The following FRYL variants were observed in gnomAD, a reference collection of about 807,000 sequenced individuals.
FRYL encodes FRY like transcription coactivator.
FRYL carries 150 observed loss-of-function variants against 351.2 expected under a neutral mutation model. The ratio of observed to expected loss-of-function variants is 0.43; its 90% CI spans 0.37 to 0.49. The LOEUF (loss-of-function observed/expected upper bound fraction) is 0.49. Among genes scored for constraint, FRYL ranks in the 20% least tolerant of loss-of-function variants. The probability of loss-of-function intolerance (pLI) is 0.00; values close to 1 mark genes in which losing one functional copy is unlikely to be tolerated. For synonymous variants in FRYL, 1,153 were observed against 1,257.1 expected (o/e 0.92, Z 1.75); for missense variants, 3,036 against 3,619.3 (o/e 0.84, Z 4.13).
chr4:48,595,774 C>A, intron 14 of FRYL, 76 bp from the exon 15 acceptor site: 1 of 1,113,480 alleles, frequency 9.0e-7, no homozygotes, highest in Non-Finnish European at 1.3e-6. Flanking sequence ...TCCTATTCTT[C>A]ATAATATATT....
chr4:48,609,681 T>G lies in FRYL; in HGVS notation c.491+63A>C, dbSNP rs1247464215. ...CTCTCAAACAAATGATCAGTAAGAC[T>G]TAAAATAGTCTAGACCTGGATTGCA... is the stretch of plus-strand genomic sequence containing the variant. On this transcript the variant is annotated intron_variant, in intron 8 of 63. Coordinates refer to ENST00000358350, the MANE Select transcript of FRYL (RefSeq NM_015030.2). 1.5e-5 allele frequency: 11 copies of G among 757,686 alleles called. No homozygotes were observed. The East Asian group carries it at 2.8e-4, about 19-fold the overall frequency. 46.9% of individuals were successfully genotyped at this position (757,686 alleles called of 1,614,324 possible).
At chr4:48,601,534 T>G (rs1745696115) in intron 13 of FRYL, among the ~76,000 whole-genome samples, 1 of 152,172 alleles carries the variant, frequency 6.6e-6, no homozygotes, top group Non-Finnish European at 1.5e-5. Context: ...CAAGTCAGAA[T>G]CATTTCAGGA....
At chr4:48,714,677 G>A (rs1035524726) in intron 1 of FRYL, among the ~76,000 whole-genome samples, 2 of 150,368 alleles carry the variant, frequency 1.3e-5, no homozygotes, top group South Asian at 2.1e-4. Flanking sequence ...ATTCAAAGCC[G>A]AATTCTACCA....
At chr4:48,687,492 C>CGGGGGGGGGGGGTGGGGGGGGGGGGGG (rs1765255777) in intron 2 of FRYL, among the ~76,000 whole-genome samples, 2 of 46,566 alleles carry the variant, frequency 4.3e-5, no homozygotes, top group Non-Finnish European at 7.4e-5. Context: ...CAAATGAGGT[C>CGGGGGGGGGGGGTGGGGGGGGGGGGGG]GGGGGGGGGG....
intron 60 of FRYL, among the ~76,000 whole-genome samples, chr4:48,504,377 A>C (rs1448517137): frequency 1.3e-5 from 2 of 152,114 alleles, no homozygotes; most frequent in African/African-American, 4.8e-5. Flanking sequence ...ACTTGATCTT[A>C]AGATGGATAT....
Position 48,593,937 on chromosome 4 carries a change from T to A in FRYL, c.1328A>T (p.Asn443Ile). Residue 443 changes from asparagine (N) to isoleucine (I), a missense_variant, in exon 16 of 64, where the codon AAT becomes ATT. This residue lies in a region of FRYL where 457 missense variants were observed against 566.6 expected (regional missense o/e 0.81). Coordinates refer to ENST00000358350, the MANE Select transcript of FRYL (RefSeq NM_015030.2). ...VGKSTKTFTI[N>I]PERMNIGLRV... ...ACATTATAATTTTTTTACCTCTGGA[T>A]TAATGGTGAAAGTTTTAGTAGATTT... 1 of 1,379,418 alleles carries A rather than the reference T, an allele frequency of 7.2e-7. No homozygotes were observed. The allele number at this position is 1,379,418 out of a possible 1,614,324, so 85.4% of individuals were successfully genotyped here.
At position 48,522,958 on chromosome 4, in the gene FRYL, C is replaced by T. The variant is rs1464371029; in HGVS notation, c.7464G>A (p.Glu2488=). The change falls in exon 54 of 64, where the codon GAG becomes GAA. Residue 2488 remains glutamate (E), a synonymous_variant. Coordinates refer to ENST00000358350, the MANE Select transcript of FRYL (RefSeq NM_015030.2). ...TAAGTGCCGCTTCTTCTTCCGAGGA[C>T]TCATCTGTATCCTCCTGATTGGTGA... is the stretch of plus-strand genomic sequence containing the variant. ...LNLTNQEDTD[E]SSEEEAALTA... The T allele has an allele frequency of 3.1e-6, 5 of 1,613,870 alleles. No homozygotes were observed. The highest frequency in any genetic ancestry group is 4.2e-6 in the Non-Finnish European group (5 of 1,179,890).
At chr4:48,737,055 G>A (rs1250523859) in intron 1 of FRYL, among the ~76,000 whole-genome samples, 7 of 151,524 alleles carry the variant, frequency 4.6e-5, no homozygotes, top group South Asian at 2.1e-4. Context: ...TGAGGCAGGC[G>A]GATCATCTGA....
intron 1 of FRYL, among the ~76,000 whole-genome samples, chr4:48,773,767 AAT>A (rs1775748462): frequency 3.9e-5 from 6 of 152,194 alleles, no homozygotes. Flanking sequence ...TTCTACAAAA[AAT>A]AGCTGGGTGT....
chr4:48,611,005 C>T (rs753347785), intron 7 of FRYL, among the ~76,000 whole-genome samples: 8 of 151,656 alleles, frequency 5.3e-5, no homozygotes, highest in Non-Finnish European at 8.8e-5. Flanking sequence ...ACAGGAAAGA[C>T]TCTGAAAGAA....
At chr4:48,709,008 G>A (rs1402505545) in intron 2 of FRYL, among the ~76,000 whole-genome samples, 7 of 149,824 alleles carry the variant, frequency 4.7e-5, no homozygotes, top group Non-Finnish European at 8.9e-5. Context: ...TGTAAGCTCC[G>A]CCTCCTGGGT....
chr4:48,580,784 G>T, intron 22 of FRYL, 81 bp downstream of exon 22: 2 of 830,504 alleles, frequency 2.4e-6, no homozygotes, highest in Non-Finnish European at 3.9e-6. Flanking sequence ...GTTATTTTAT[G>T]TATGCACATG....
At chr4:48,667,620 G>A (rs1227254721) in intron 3 of FRYL, among the ~76,000 whole-genome samples, 1 of 152,036 alleles carries the variant, frequency 6.6e-6, no homozygotes. Flanking sequence ...ATAGAACTAA[G>A]TATAATATTG....
intron 3 of FRYL, among the ~76,000 whole-genome samples, chr4:48,670,118 T>C (rs1356202391): frequency 6.6e-6 from 1 of 152,146 alleles, no homozygotes; most frequent in Non-Finnish European, 1.5e-5. Flanking sequence ...CCTTTTTAGT[T>C]TTTTTAATGT....
At chr4:48,561,759 A>C in intron 32 of FRYL, 123 bp from the exon 33 acceptor site, 1 of 670,088 alleles carries the variant, frequency 1.5e-6, no homozygotes, top group Non-Finnish European at 2.4e-6. Flanking sequence ...TTATGCCTGT[A>C]ATCTCAATAC....
At chr4:48,519,765 C>T (rs1169210446) in intron 55 of FRYL, among the ~76,000 whole-genome samples, 4 of 151,188 alleles carry the variant, frequency 2.6e-5, no homozygotes, top group Admixed American at 1.3e-4. Flanking sequence ...GACAGAGTCT[C>T]GCACTGTTGC....
intron 1 of FRYL, among the ~76,000 whole-genome samples, chr4:48,741,225 T>C (rs1186285152): frequency 6.6e-6 from 1 of 151,672 alleles, no homozygotes; most frequent in African/African-American, 2.4e-5. Context: ...CTGTGCAACA[T>C]GGCGAAGACT....
intron 3 of FRYL, among the ~76,000 whole-genome samples, chr4:48,668,128 A>G (rs546064005): frequency 5.9e-5 from 9 of 152,278 alleles, no homozygotes; most frequent in Admixed American, 5.2e-4. Context: ...ATTCACTCGC[A>G]TATCATCTAG....
chr4:48,666,747 TA>T (rs1287086746), intron 3 of FRYL, among the ~76,000 whole-genome samples: 1 of 152,168 alleles, frequency 6.6e-6, no homozygotes, highest in East Asian at 1.9e-4. Context: ...GAACGTTTCA[TA>T]GTTTTTTTTT....
Sources: allele counts gnomAD v4.1 joint callset (sites outside exome capture counted in the v4.1 genomes callset), GRCh38; gene constraint gnomAD v4.1.1; regional missense constraint gnomAD v4.1.1; transcripts MANE v1.5; gene names NCBI Gene and HGNC (gene_info 2026-07-23, HGNC 2026-07-21).